ZNF550: variants seen among roughly 807,000 people sequenced by gnomAD.
ZNF550 encodes zinc finger protein 550.
Under a neutral mutation model 40.2 loss-of-function variants are expected in ZNF550, and 42 were observed. The ratio of observed to expected loss-of-function variants is 1.05; its 90% CI spans 0.82 to 1.35. The LOEUF (loss-of-function observed/expected upper bound fraction) is 1.35, where lower values mean the gene tolerates loss of function less well. Among genes scored for constraint, ZNF550 ranks in the 40% most tolerant of loss-of-function variants. The probability of loss-of-function intolerance (pLI) is 0.00; values close to 1 mark genes in which losing one functional copy is unlikely to be tolerated. For synonymous variants in ZNF550, 223 were observed against 198.6 expected (o/e 1.12, Z -1.03); for missense variants, 549 against 525.2 (o/e 1.05, Z -0.44).
upstream of ZNF550, chr19:57,559,951 G>C (rs547240071): frequency 1.8e-5 from 7 of 395,042 alleles, no homozygotes; most frequent in South Asian, 7.3e-4. Flanking sequence ...TAAGAGGCCA[G>C]GCTTGGCTCT....
chr19:57,547,333 C>T (rs752435329), exon 4 of ZNF550: 24 of 1,613,830 alleles, frequency 1.5e-5, no homozygotes, highest in East Asian at 6.7e-5. Flanking sequence ...CCTATTATGG[C>T]GAATAAAAGT....
chr19:57,552,025 A>G (rs767776105), intron 3 of ZNF550, among the ~76,000 whole-genome samples: 11 of 152,212 alleles, frequency 7.2e-5, no homozygotes, highest in Non-Finnish European at 1.6e-4. Context: ...TCCAGAAAGA[A>G]ATGTATGACA....
intron 4 of ZNF550, among the ~76,000 whole-genome samples, chr19:57,546,139 AAAG>A (rs2090006898): frequency 6.6e-6 from 1 of 152,172 alleles, no homozygotes; most frequent in African/African-American, 2.4e-5. Flanking sequence ...TAGATATAAA[AAAG>A]AAGTGTCACA....
At chr19:57,546,625 G>T in exon 4 of ZNF550, 2 of 1,029,124 alleles carry the variant, frequency 1.9e-6, no homozygotes, top group Non-Finnish European at 2.3e-6. Flanking sequence ...TAAGATTTCT[G>T]CTCTGGCCAA....
exon 4 of ZNF550, chr19:57,546,520 G>A: frequency 6.1e-6 from 6 of 990,120 alleles, no homozygotes; most frequent in Non-Finnish European, 7.2e-6. Flanking sequence ...TTCCAGCATG[G>A]CTCTTTATAG....
exon 4 of ZNF550, chr19:57,547,080 C>G (rs762829560): frequency 4.3e-6 from 7 of 1,613,742 alleles, no homozygotes; most frequent in Non-Finnish European, 4.2e-6. Flanking sequence ...TGACAGAGTG[C>G]TGAATGAGGT....
chr19:57,542,505 T>C (rs556938445), exon 5 of ZNF550: 13 of 152,008 alleles, frequency 8.6e-5, no homozygotes, highest in Admixed American at 4.6e-4. Flanking sequence ...CTTCATGATG[T>C]AAAATATTAC....
intron 4 of ZNF550, chr19:57,544,729 G>A: frequency 2.1e-6 from 1 of 466,938 alleles, no homozygotes; most frequent in Non-Finnish European, 2.8e-6. Flanking sequence ...AAAGCTCAAA[G>A]TGAGAAAATG....
exon 4 of ZNF550, chr19:57,546,947 C>T: frequency 6.3e-7 from 1 of 1,580,062 alleles, no homozygotes; most frequent in Non-Finnish European, 8.6e-7. Flanking sequence ...AAAGGCCTTG[C>T]TGTATTCATT....
chr19:57,559,782 A>C (rs2090155350), exon 1 of ZNF550: 1 of 1,128,380 alleles, frequency 8.9e-7, no homozygotes, highest in East Asian at 3.0e-5. Context: ...CAGTCGCCCT[A>C]CCATCCTTCC....
chr19:57,552,491 C>A, intron 3 of ZNF550, 136 bp downstream of exon 3: 1 of 649,544 alleles, frequency 1.5e-6, no homozygotes. Flanking sequence ...GACACTATGA[C>A]CCAAAGTGAG....
chr19:57,558,033 C>G (rs751172516), intron 1 of ZNF550, among the ~76,000 whole-genome samples: 4 of 152,222 alleles, frequency 2.6e-5, no homozygotes, highest in Non-Finnish European at 5.9e-5. Flanking sequence ...TTCCATTTCA[C>G]AGTCAGCAAA....
upstream of ZNF550, among the ~76,000 whole-genome samples, chr19:57,561,126 C>T (rs1282253402): frequency 6.6e-6 from 1 of 152,124 alleles, no homozygotes; most frequent in African/African-American, 2.4e-5. The surrounding 1 kb of genome is among the most constrained non-coding windows in gnomAD (Gnocchi z 4.9). Flanking sequence ...TTTCTGTTAT[C>T]CTATGGTTTC....
Position 57,542,462 on chromosome 19 carries a change from C to T in ZNF550, c.*1300G>A, listed in dbSNP as rs1455959038. The T allele has an allele frequency of 2.0e-5, 3 of 151,610 alleles. No homozygotes were observed. In the East Asian group the frequency reaches 5.8e-4, roughly 29 times the overall value. 9.4% of individuals were successfully genotyped at this position (151,610 alleles called of 1,614,324 possible). A position where few individuals can be genotyped will look rare whatever the true frequency, so the allele number is the denominator to read the frequency against. ...GCAGGAAAATGGAGGAAATACATGT[C>T]CATAATCAGAGGATTTGAATCAAGG... On this transcript the variant is annotated 3_prime_UTR_variant, in exon 5 of 5. Coordinates refer to ENST00000457177, the Ensembl canonical transcript of ZNF550.
chr19:57,545,011 T>G (rs1280560491), intron 4 of ZNF550, among the ~76,000 whole-genome samples: 1 of 151,982 alleles, frequency 6.6e-6, no homozygotes, highest in Non-Finnish European at 1.5e-5. Context: ...AATCCCAGCT[T>G]CTTGGGAGGC....
intron 3 of ZNF550, among the ~76,000 whole-genome samples, chr19:57,551,963 A>G (rs1364760644): frequency 6.6e-6 from 1 of 152,262 alleles, no homozygotes. Flanking sequence ...TGGGATTCAC[A>G]GCATAATGCA....
chr19:57,559,807 G>A (rs1479211241), exon 1 of ZNF550: 3 of 874,668 alleles, frequency 3.4e-6, no homozygotes, highest in Middle Eastern at 7.8e-4. Context: ...ACAGTTCTGA[G>A]AGCGCGGACC....
intron 1 of ZNF550, chr19:57,557,448 C>A (rs749680424): frequency 2.0e-5 from 3 of 152,064 alleles, no homozygotes; most frequent in Non-Finnish European, 2.9e-5. Flanking sequence ...TGTTTTCCTG[C>A]TGACCCTCTC....
At chr19:57,557,987 T>A (rs1324610136) in intron 1 of ZNF550, among the ~76,000 whole-genome samples, 3 of 152,224 alleles carry the variant, frequency 2.0e-5, no homozygotes, top group Non-Finnish European at 4.4e-5. Flanking sequence ...ACTTTATTAA[T>A]CCCCTGACAG....
Sources: allele counts gnomAD v4.1 joint callset (sites outside exome capture counted in the v4.1 genomes callset), GRCh38; gene constraint gnomAD v4.1.1; non-coding constraint Gnocchi (gnomAD v3.1); transcripts MANE v1.5; gene names NCBI Gene and HGNC (gene_info 2026-07-23, HGNC 2026-07-21).